FILIP1L: variants seen among roughly 807,000 people sequenced by gnomAD.
FILIP1L encodes the protein filamin A interacting protein 1 like.
Under a neutral mutation model 96.6 loss-of-function variants are expected in FILIP1L, and 55 were observed. The observed-to-expected ratio is 0.57, with a 90% CI of 0.46 to 0.71. FILIP1L has a LOEUF of 0.71. Among genes scored for constraint, FILIP1L ranks in the 30% least tolerant of loss-of-function variants. FILIP1L has a pLI of 0.00. For missense variants in FILIP1L, 1,304 were observed against 1,321.2 expected (o/e 0.99, Z 0.20); for synonymous variants, 467 against 473.9 (o/e 0.99, Z 0.19).
intron 5 of FILIP1L, among the ~76,000 whole-genome samples, chr3:99,836,879 C>T (rs955455049): frequency 6.6e-6 from 1 of 152,184 alleles, no homozygotes; most frequent in Non-Finnish European, 1.5e-5. Flanking sequence ...AACTTGTACT[C>T]GCAGAAAGGT....
chr3:100,010,522 C>A (rs758330496), intron 1 of FILIP1L, among the ~76,000 whole-genome samples: 1 of 152,052 alleles, frequency 6.6e-6, no homozygotes, highest in Non-Finnish European at 1.5e-5. Flanking sequence ...GCAGTGACTT[C>A]CAGTTGTATT....
intron 1 of FILIP1L, among the ~76,000 whole-genome samples, chr3:100,102,230 C>A (rs796983327): frequency 4.0e-5 from 6 of 151,308 alleles, no homozygotes; most frequent in Admixed American, 6.6e-5. Flanking sequence ...AGTTTACAGT[C>A]CCATCAACAG....
At chr3:99,984,957 T>C (rs1043146447) in intron 1 of FILIP1L, among the ~76,000 whole-genome samples, 3 of 152,174 alleles carry the variant, frequency 2.0e-5, no homozygotes, top group African/African-American at 7.2e-5. Flanking sequence ...ATATTGCTCT[T>C]AGAAGAAAAG....
chr3:99,999,735 G>A (rs1295352344), intron 1 of FILIP1L, among the ~76,000 whole-genome samples: 1 of 152,126 alleles, frequency 6.6e-6, no homozygotes, highest in Non-Finnish European at 1.5e-5. Context: ...TAAAAGCCCT[G>A]GGTTGTTTCT....
At chr3:99,999,124 A>G (rs965657149) in intron 1 of FILIP1L, among the ~76,000 whole-genome samples, 1 of 151,920 alleles carries the variant, frequency 6.6e-6, no homozygotes, top group Non-Finnish European at 1.5e-5. Context: ...GTTGAATGCC[A>G]GTTTTATGCC....
intron 1 of FILIP1L, among the ~76,000 whole-genome samples, chr3:100,074,220 G>GC (rs898327840): frequency 6.6e-6 from 1 of 152,158 alleles, no homozygotes; most frequent in Non-Finnish European, 1.5e-5. Context: ...AAATCTGACA[G>GC]CCCCCCTGGG....
At chr3:99,974,639 G>A (rs1238351172) in intron 1 of FILIP1L, among the ~76,000 whole-genome samples, 1 of 152,004 alleles carries the variant, frequency 6.6e-6, no homozygotes, top group Non-Finnish European at 1.5e-5. Flanking sequence ...CCCAGGAGGC[G>A]GAGGTTGTGA....
chr3:100,025,209 C>T (rs1169320948), intron 1 of FILIP1L, among the ~76,000 whole-genome samples: 4 of 152,128 alleles, frequency 2.6e-5, no homozygotes, highest in East Asian at 1.9e-4. Context: ...TAGTAGGGCT[C>T]GTCCTTCTTG....
rs73138618 is a variant in FILIP1L at position 99,969,747 on chromosome 3, G to A, written c.-10-38717C>T. Among the ~76,000 whole-genome samples, 673 of 152,230 alleles carry A rather than the reference G, an allele frequency of 4.4e-3. 3 individuals carry two copies. Among genetic ancestry groups the A allele is most frequent in the South Asian group, 0.011 (53 of 4,816 alleles). On this transcript the variant is annotated intron_variant, in intron 1 of 5. Coordinates refer to ENST00000477258, the MANE Select transcript of FILIP1L (RefSeq NM_001387850.1). Reference sequence around the variant, plus strand: ...ATAATTAGTTGCAGGGTTTGACCTTGGAAATCTGTGACCATGGAGATGAAG... The same window carrying A: ...ATAATTAGTTGCAGGGTTTGACCTTAGAAATCTGTGACCATGGAGATGAAG...
At chr3:99,837,849 G>A (rs1308909928) in intron 5 of FILIP1L, among the ~76,000 whole-genome samples, 8 of 152,228 alleles carry the variant, frequency 5.3e-5, no homozygotes, top group Admixed American at 5.2e-4. Flanking sequence ...TGTGGCCTAA[G>A]TTGGTGGTGC....
intron 5 of FILIP1L, among the ~76,000 whole-genome samples, chr3:99,842,140 A>C (rs1326736523): frequency 1.3e-5 from 2 of 152,232 alleles, no homozygotes; most frequent in Admixed American, 6.5e-5. Context: ...ACACCATGGA[A>C]TACTACTCGG....
intron 5 of FILIP1L, among the ~76,000 whole-genome samples, chr3:99,832,858 G>C (rs1039846669): frequency 9.0e-6 from 1 of 111,502 alleles, no homozygotes; most frequent in Admixed American, 8.5e-5. Context: ...AAAAAAAAAA[G>C]TTGTTTTTTT....
intron 4 of FILIP1L, among the ~76,000 whole-genome samples, chr3:99,897,876 A>G (rs1036601707): frequency 6.6e-6 from 1 of 152,228 alleles, no homozygotes; most frequent in Non-Finnish European, 1.5e-5. Flanking sequence ...GGTAAAACAA[A>G]TGACCACGAA....
intron 1 of FILIP1L, among the ~76,000 whole-genome samples, chr3:100,033,147 T>C (rs912821857): frequency 2.0e-5 from 3 of 152,208 alleles, no homozygotes; most frequent in Admixed American, 6.5e-5. Context: ...TACTCTGTGG[T>C]TACTGTATGG....
chr3:99,914,447 G>T (rs1458186685), intron 4 of FILIP1L, among the ~76,000 whole-genome samples: 1 of 151,872 alleles, frequency 6.6e-6, no homozygotes, highest in Non-Finnish European at 1.5e-5. Context: ...TTTTTTTCCA[G>T]AAGTAACACA....
chr3:99,920,828 T>A (rs1159475143), intron 4 of FILIP1L, among the ~76,000 whole-genome samples: 1 of 152,200 alleles, frequency 6.6e-6, no homozygotes, highest in African/African-American at 2.4e-5. Flanking sequence ...TAATTTGAAA[T>A]CCATTATTAC....
intron 1 of FILIP1L, among the ~76,000 whole-genome samples, chr3:100,078,321 C>T (rs1005104465): frequency 1.3e-5 from 2 of 152,110 alleles, no homozygotes; most frequent in Non-Finnish European, 2.9e-5. Flanking sequence ...CCAGAGAAAA[C>T]GTAGAACTTT....
intron 1 of FILIP1L, among the ~76,000 whole-genome samples, chr3:99,954,740 C>T (rs886949368): frequency 2.0e-5 from 3 of 151,844 alleles, no homozygotes; most frequent in African/African-American, 7.3e-5. Context: ...GCAGGAGAAT[C>T]GCTTGAACCC....
intron 1 of FILIP1L, among the ~76,000 whole-genome samples, chr3:100,101,820 T>C (rs1308281680): frequency 2.6e-5 from 4 of 152,074 alleles, no homozygotes; most frequent in Admixed American, 2.0e-4. Flanking sequence ...CCTTCCTGTG[T>C]CCATGTGTTC....
Sources: gnomAD v4.1 joint callset for allele counts (sites outside exome capture counted in the v4.1 genomes callset) on GRCh38, gnomAD v4.1.1 for gene constraint, MANE v1.5 for transcripts, NCBI Gene and HGNC (gene_info 2026-07-23, HGNC 2026-07-21) for gene names.